SMPD3: variants seen among roughly 807,000 people sequenced by gnomAD.
The protein encoded by SMPD3 is sphingomyelin phosphodiesterase 3.
Under a neutral mutation model 55.7 loss-of-function variants are expected in SMPD3, and 21 were observed. The observed-to-expected ratio is 0.38, with a 90% CI of 0.27 to 0.54. The LOEUF is 0.54. Among genes scored for constraint, SMPD3 ranks in the 20% least tolerant of loss-of-function variants. The probability of loss-of-function intolerance (pLI) is 0.80; values close to 1 mark genes in which losing one functional copy is unlikely to be tolerated. For missense variants in SMPD3, 842 were observed against 899.6 expected (o/e 0.94, Z 0.82); for synonymous variants, 457 against 404.3 (o/e 1.13, Z -1.56).
At chr16:68,399,578 A>G (rs1326847518) in intron 1 of SMPD3, among the ~76,000 whole-genome samples, 1 of 152,180 alleles carries the variant, frequency 6.6e-6, no homozygotes, top group South Asian at 2.1e-4. Flanking sequence ...GTGGACACCC[A>G]CAAAGAAGGA....
In SMPD3 at chr16:68,392,835, G is replaced by GA. The variant is rs60841057; in HGVS notation, c.-268-6177dup. ...CGTGACAGAATGAGACGCTGTCTGG[G>GA]AAAAAAAAAAAAAAAAAAAAGATGC... On this transcript the variant is annotated intron_variant, in intron 1 of 8. Transcript: ENST00000219334. Among the ~76,000 whole-genome samples, 212 of 88,266 alleles carry GA rather than the reference G, an allele frequency of 2.4e-3. 1 individual carries two copies. Among genetic ancestry groups the GA allele is most frequent in the African/African-American group, 2.8e-3 (56 of 19,662 alleles). 57.9% of individuals were successfully genotyped at this position (88,266 alleles called of 152,430 possible).
At chr16:68,393,543 G>A (rs2090130589) in intron 1 of SMPD3, among the ~76,000 whole-genome samples, 1 of 152,196 alleles carries the variant, frequency 6.6e-6, no homozygotes, top group South Asian at 2.1e-4. Flanking sequence ...TTGTGGTGTT[G>A]GGGGACATTT....
At chr16:68,405,201 T>A (rs113479867) in intron 1 of SMPD3, among the ~76,000 whole-genome samples, 2 of 152,242 alleles carry the variant, frequency 1.3e-5, no homozygotes, top group African/African-American at 4.8e-5. Context: ...TCCATCCTGC[T>A]GGCCTGGACC....
intron 1 of SMPD3, among the ~76,000 whole-genome samples, chr16:68,399,250 T>C (rs1450366408): frequency 1.3e-5 from 2 of 152,178 alleles, no homozygotes; most frequent in African/African-American, 2.4e-5. Flanking sequence ...AGGTCCCATT[T>C]TCCCCACATG....
At position 68,447,474 on chromosome 16, in the gene SMPD3, A is replaced by G. The variant is rs2152037833; in HGVS notation, c.-269+879T>C. ...TAGAGCCCCAGGCCTGGATCCAGGT[A>G]GGGAGGGCCTGGGAGATAAGGCCCA... On this transcript the variant is annotated intron_variant, in intron 1 of 8. Transcript: ENST00000219334. The surrounding 1 kb of genome is among the most constrained non-coding windows in gnomAD (Gnocchi z 5.1). Among the ~76,000 whole-genome samples, 1 of 152,238 alleles carries G rather than the reference A, an allele frequency of 6.6e-6. No individual in the cohort carries two copies. Among genetic ancestry groups the G allele is most frequent in the East Asian group, 1.9e-4 (1 of 5,170 alleles).
chr16:68,367,006 T>TAAA (rs2089498382), intron 3 of SMPD3, among the ~76,000 whole-genome samples: 2 of 69,418 alleles, frequency 2.9e-5, no homozygotes, highest in African/African-American at 1.6e-4. Flanking sequence ...AGACTCTGTC[T>TAAA]CAAAAAAAAA....
rs1323949937 is a variant in SMPD3 at position 68,407,082 on chromosome 16, A to C, written c.-268-20423T>G. Among the ~76,000 whole-genome samples the C allele has an allele frequency of 2.0e-5, 3 of 152,286 alleles. No individual in the cohort carries two copies. The South Asian group carries it at 6.2e-4, about 32-fold the overall frequency. On this transcript the variant is annotated intron_variant, in intron 1 of 8. Coordinates refer to ENST00000219334, the MANE Select transcript of SMPD3 (RefSeq NM_018667.4). ...GGGCCAGAAATAGGGCAGAAGCTTG[A>C]TCAGGAGAATATTGAAGGGAGACTC...
In SMPD3 at chr16:68,404,380, G is replaced by A. The variant is rs536796842; in HGVS notation, c.-268-17721C>T. On this transcript the variant is annotated intron_variant, in intron 1 of 8. Transcript: ENST00000219334. The surrounding 1 kb of genome is among the most constrained non-coding windows in gnomAD (Gnocchi z 4.0). ...CTCCCAAATTGCTGAGATTACAGGC[G>A]TGAGCCACCATGACAGGGTTTCATC... Among the ~76,000 whole-genome samples, 2 of 152,014 alleles carry A rather than the reference G, an allele frequency of 1.3e-5. No individual in the cohort carries two copies. The highest frequency in any genetic ancestry group is 2.4e-5 in the African/African-American group (1 of 41,386).
At chr16:68,433,572 T>C (rs890221941) in intron 1 of SMPD3, among the ~76,000 whole-genome samples, 10 of 152,194 alleles carry the variant, frequency 6.6e-5, no homozygotes, top group Non-Finnish European at 1.3e-4. Context: ...AGGCTATGTC[T>C]TGGGACAACC....
intron 1 of SMPD3, among the ~76,000 whole-genome samples, chr16:68,409,363 G>A (rs2090279721): frequency 1.3e-5 from 2 of 152,170 alleles, no homozygotes; most frequent in African/African-American, 4.8e-5. Context: ...AGAGCAGTGT[G>A]AGTCTTACAC....
rs754415413 is a variant in SMPD3 at position 68,361,166 on chromosome 16, A to C, written c.*40T>G. ...GGGACATGGCCCAGGGATGGGCTGCAGCTGCAAGGGCTGGCAGAGGCCCCG... is the reference window on the plus strand; with the variant it reads ...GGGACATGGCCCAGGGATGGGCTGCCGCTGCAAGGGCTGGCAGAGGCCCCG... On this transcript the variant is annotated 3_prime_UTR_variant, in exon 9 of 9. Coordinates refer to ENST00000219334, the MANE Select transcript of SMPD3 (RefSeq NM_018667.4). The C allele has an allele frequency of 1.3e-6, 2 of 1,579,222 alleles. No homozygotes were observed. Among genetic ancestry groups the C allele is most frequent in the Middle Eastern group, 3.3e-4 (2 of 5,990 alleles).
At position 68,361,038 on chromosome 16, in the gene SMPD3, G is replaced by A. The variant is rs759183861; in HGVS notation, c.*168C>T. 198 of 630,054 alleles carry A rather than the reference G, an allele frequency of 3.1e-4. No individual in the cohort carries two copies. Among genetic ancestry groups the A allele is most frequent in the Non-Finnish European group, 5.1e-4 (187 of 367,218 alleles). The allele number at this position is 630,054 out of a possible 1,614,324, so 39.0% of individuals were successfully genotyped here. Reference sequence around the variant, plus strand: ...GCCTGACTCCTCTGTCCACAGTGAGGCCCAGAGGCGCAGAGCAGCGCAGCT... The same window carrying A: ...GCCTGACTCCTCTGTCCACAGTGAGACCCAGAGGCGCAGAGCAGCGCAGCT... On this transcript the variant is annotated 3_prime_UTR_variant, in exon 9 of 9. Coordinates refer to ENST00000219334, the MANE Select transcript of SMPD3 (RefSeq NM_018667.4).
At chr16:68,431,236 A>G (rs770606811) in intron 1 of SMPD3, among the ~76,000 whole-genome samples, 5 of 152,220 alleles carry the variant, frequency 3.3e-5, no homozygotes, top group Non-Finnish European at 5.9e-5. Flanking sequence ...CTTGGTTCTG[A>G]GAAAACAGCC....
chr16:68,416,832 C>T (rs932138574), intron 1 of SMPD3, among the ~76,000 whole-genome samples: 2 of 151,928 alleles, frequency 1.3e-5, no homozygotes, highest in African/African-American at 4.8e-5. Context: ...CCAGGGGCAA[C>T]TTGGCTGGTC....
intron 2 of SMPD3, among the ~76,000 whole-genome samples, chr16:68,379,879 G>A (rs1412772514): frequency 2.0e-5 from 3 of 152,210 alleles, no homozygotes; most frequent in African/African-American, 7.2e-5. Context: ...AAGCCAACTC[G>A]GGCGTGACTG....
At chr16:68,376,599 G>A (rs1269310258) in intron 2 of SMPD3, among the ~76,000 whole-genome samples, 1 of 152,232 alleles carries the variant, frequency 6.6e-6, no homozygotes, top group Non-Finnish European at 1.5e-5. Flanking sequence ...ATCCTGGTAT[G>A]TAGCTTCTGA....
chr16:68,448,485 C>G lies in SMPD3; in HGVS notation c.-401G>C, dbSNP rs992308079. 1.3e-5 allele frequency: 2 copies of G among 152,312 alleles called. No homozygotes were observed. Among genetic ancestry groups the G allele is most frequent in the African/African-American group, 4.8e-5 (2 of 41,446 alleles). The allele number at this position is 152,312 out of a possible 1,614,324, so 9.4% of individuals were successfully genotyped here. A position where few individuals can be genotyped will look rare whatever the true frequency, so the allele number is the denominator to read the frequency against. Reference sequence around the variant, plus strand: ...CGGCGGCTCTCGCGGCTCTCGGGTCCGGAGCCTCCCTCAGACTCAGCACCT... The same window carrying G: ...CGGCGGCTCTCGCGGCTCTCGGGTCGGGAGCCTCCCTCAGACTCAGCACCT... On this transcript the variant is annotated 5_prime_UTR_variant, in exon 1 of 9. Transcript: ENST00000219334.
intron 2 of SMPD3, among the ~76,000 whole-genome samples, chr16:68,377,508 C>T (rs572289301): frequency 3.9e-5 from 6 of 152,214 alleles, no homozygotes; most frequent in Admixed American, 2.0e-4. Context: ...TGAGGCATCA[C>T]GGCACGGACA....
chr16:68,374,424 TGGAGCAGCA>T (rs61203358), intron 2 of SMPD3, among the ~76,000 whole-genome samples: 3,156 of 152,328 alleles, frequency 0.021, 138 homozygotes, highest in African/African-American at 0.072. Flanking sequence ...GGGTGCAGTT[TGGAGCAGCA>T]TGTGTATCTG....
Sources: allele counts gnomAD v4.1 joint callset (sites outside exome capture counted in the v4.1 genomes callset), GRCh38; gene constraint gnomAD v4.1.1; non-coding constraint Gnocchi (gnomAD v3.1); transcripts MANE v1.5; gene names NCBI Gene and HGNC (gene_info 2026-07-23, HGNC 2026-07-21).